The following MREG variants were observed in gnomAD, a reference collection of about 807,000 sequenced individuals.
MREG encodes the protein melanoregulin, also known as dilute suppressor protein homolog.
MREG carries 31 observed loss-of-function variants against 28.5 expected under a neutral mutation model. The observed-to-expected ratio is 1.09, with a 90% CI of 0.82 to 1.47. MREG has a LOEUF of 1.47. Among genes scored for constraint, MREG ranks in the 40% most tolerant of loss-of-function variants. The pLI is 0.00. For synonymous variants in MREG, 106 were observed against 95.2 expected, an observed-to-expected ratio of 1.11 and a Z score of -0.66; for missense variants, 256 against 257.4, an observed-to-expected ratio of 0.99 and a Z score of 0.04.
chr2:215,974,952 C>G (rs959841829), intron 2 of MREG, among the ~76,000 whole-genome samples: 4 of 143,118 alleles, frequency 2.8e-5, no homozygotes, highest in Non-Finnish European at 6.0e-5. Flanking sequence ...TCCAGGGAAA[C>G]AGCCACCACA....
chr2:215,982,514 A>G (rs1367014673), intron 2 of MREG, among the ~76,000 whole-genome samples: 1 of 152,168 alleles, frequency 6.6e-6, no homozygotes, highest in Non-Finnish European at 1.5e-5. Context: ...ATGGTGCAAT[A>G]GCATCAGGGC....
chr2:216,033,094 C>T (rs955479920), upstream of MREG: 3 of 152,088 alleles, frequency 2.0e-5, no homozygotes, highest in Non-Finnish European at 4.4e-5. Context: ...TCTAAACTTA[C>T]CCAAGATTGA....
chr2:215,940,197 G>C (rs1692181767), downstream of MREG, among the ~76,000 whole-genome samples: 1 of 152,202 alleles, frequency 6.6e-6, no homozygotes, highest in African/African-American at 2.4e-5. Flanking sequence ...CATCCATAGT[G>C]TGTCAAAACA....
At chr2:216,030,094 T>A (rs1694657091) in intron 1 of MREG, among the ~76,000 whole-genome samples, 1 of 152,190 alleles carries the variant, frequency 6.6e-6, no homozygotes, top group South Asian at 2.1e-4. Context: ...TAAAAGGTTA[T>A]AAAGAAGATT....
chr2:216,006,051 C>T (rs1414091149), intron 1 of MREG, among the ~76,000 whole-genome samples: 1 of 152,144 alleles, frequency 6.6e-6, no homozygotes, highest in Non-Finnish European at 1.5e-5. Flanking sequence ...CTATTTTACC[C>T]AGCATTTAAG....
chr2:215,966,953 C>T (rs931342275), intron 2 of MREG, among the ~76,000 whole-genome samples: 2 of 152,150 alleles, frequency 1.3e-5, no homozygotes, highest in African/African-American at 2.4e-5. Context: ...TTTACACCCC[C>T]ATAATCTTTA....
intron 2 of MREG, among the ~76,000 whole-genome samples, chr2:215,990,531 A>C (rs1693694796): frequency 1.3e-5 from 2 of 152,240 alleles, no homozygotes; most frequent in Admixed American, 1.3e-4. Context: ...ATGGGATCAA[A>C]TTCACACAAA....
rs766920248 is a variant in MREG, at chr2:216,013,270, C to G, written c.58G>C (p.Glu20Gln). Residue 20 changes from glutamate to glutamine, a missense_variant, in exon 1 of 5, where the codon GAG becomes CAG. Physicochemically the swap from Glu to Gln is conservative, Grantham distance 29. Coordinates refer to ENST00000263268, the MANE Select transcript of MREG (RefSeq NM_018000.3). ...VCCCCGCECL[E>Q]ERALPEKEPL... ...TCCTTCTCAGGCAGGGCGCGCTCCT[C>G]CAAGCACTCGCACCCGCAGCAGCAG... 6 of 1,549,864 alleles carry G rather than the reference C, an allele frequency of 3.9e-6. No homozygotes were observed. Among genetic ancestry groups the G allele is most frequent in the Non-Finnish European group, 5.2e-6 (6 of 1,146,740 alleles).
chr2:216,008,121 G>A (rs956983374), intron 1 of MREG, among the ~76,000 whole-genome samples: 3 of 151,924 alleles, frequency 2.0e-5, no homozygotes, highest in African/African-American at 2.4e-5. Flanking sequence ...GCTATGGTGG[G>A]GATTTCATTA....
Position 215,945,560 on chromosome 2 carries a change from C to G in MREG, c.510+11G>C. On this transcript the variant is annotated intron_variant, in intron 4 of 4. Transcript: ENST00000263268. Reference sequence around the variant, plus strand: ...CAAAATTAGGGCAAATGAAAAAAAGCATCCACTTACCACAACAAAGAGATA... The same window carrying G: ...CAAAATTAGGGCAAATGAAAAAAAGGATCCACTTACCACAACAAAGAGATA... 6.2e-7 allele frequency: 1 copy of G among 1,602,560 alleles called. No homozygotes were observed. Among genetic ancestry groups the G allele is most frequent in the South Asian group, 1.1e-5 (1 of 89,384 alleles).
rs898096238 is a variant in MREG, at chr2:215,993,468, C to G, written c.255+2838G>C. Among the ~76,000 whole-genome samples, 3 of 152,140 alleles carry G rather than the reference C, an allele frequency of 2.0e-5. No homozygotes were observed. In the East Asian group the frequency reaches 5.8e-4, roughly 29 times the overall value. On this transcript the variant is annotated intron_variant, in intron 2 of 4. Transcript: ENST00000263268. ...CATAAGACCTAAAACCATAAAAACC[C>G]TAGGAGAAAACTTAGGCAATACCAT...
chr2:216,010,653 G>A (rs949758979), intron 1 of MREG, among the ~76,000 whole-genome samples: 3 of 151,352 alleles, frequency 2.0e-5, no homozygotes, highest in African/African-American at 7.3e-5. Flanking sequence ...CACCGTGCCC[G>A]GCAGATTTCT....
intron 2 of MREG, among the ~76,000 whole-genome samples, chr2:215,964,897 C>A (rs200615305): frequency 7.6e-6 from 1 of 131,216 alleles, no homozygotes. Flanking sequence ...ACAGATATCT[C>A]TTTTTAAAAT....
chr2:216,001,880 C>G (rs888854850), intron 1 of MREG, among the ~76,000 whole-genome samples: 3 of 152,162 alleles, frequency 2.0e-5, no homozygotes, highest in Non-Finnish European at 4.4e-5. Flanking sequence ...TAAAGAGAAG[C>G]ACCTTTGGAA....
intron 1 of MREG, among the ~76,000 whole-genome samples, chr2:216,000,092 C>T (rs898605503): frequency 6.6e-6 from 1 of 152,262 alleles, no homozygotes; most frequent in African/African-American, 2.4e-5. Context: ...TATGCAACCA[C>T]TGCATAATAT....
chr2:215,985,139 T>C (rs960536955), intron 2 of MREG, among the ~76,000 whole-genome samples: 6 of 152,328 alleles, frequency 3.9e-5, no homozygotes, highest in African/African-American at 1.4e-4. Context: ...ATATGCAAAG[T>C]GGTTAGAACA....
At position 216,025,606 on chromosome 2, in the gene MREG, T is replaced by G. The variant is rs139230111; in HGVS notation, c.-68+7183A>C. On this transcript the variant is annotated intron_variant, in intron 1 of 3. Transcript: ENST00000420348. The stretch of plus-strand genomic sequence containing the variant: ...TCAGTAAGCGAGAACTGGCCCTTTC[T>G]GTCCCCTCCATGACAATCAGTCTTT... 3.3e-3 allele frequency among the ~76,000 whole-genome samples: 503 copies of G among 152,370 alleles called. 3 individuals carry two copies. The highest frequency in any genetic ancestry group is 0.011 in the African/African-American group (474 of 41,590).
At chr2:215,949,081 CTACTACTAATAATAATAA>C (rs1337414583) in intron 2 of MREG, among the ~76,000 whole-genome samples, 2 of 96,418 alleles carry the variant, frequency 2.1e-5, no homozygotes, top group African/African-American at 7.5e-5. Context: ...ACTACTACTA[CTACTACTAATAATAATAA>C]TAATAATACA....
chr2:215,994,582 GAGAAGGGGAAGA>G (rs891357696), intron 2 of MREG, among the ~76,000 whole-genome samples: 10 of 151,152 alleles, frequency 6.6e-5, no homozygotes, highest in South Asian at 2.1e-4. Flanking sequence ...GGAGAAGAGG[GAGAAGGGGAAGA>G]AGAAGGAGAA....
Sources: allele counts gnomAD v4.1 joint callset (sites outside exome capture counted in the v4.1 genomes callset), GRCh38; gene constraint gnomAD v4.1.1; transcripts MANE v1.5; gene names NCBI Gene and HGNC (gene_info 2026-07-23, HGNC 2026-07-21).